Variants in SDK2 observed in about 807,000 individuals in gnomAD.
SDK2 encodes protein sidekick-2.
Under a neutral mutation model 253.9 loss-of-function variants are expected in SDK2, and 105 were observed. The observed-to-expected ratio is 0.41, with a 90% CI of 0.35 to 0.49. The LOEUF (loss-of-function observed/expected upper bound fraction) is 0.49, where lower values mean the gene tolerates loss of function less well. SDK2 is among the 20% of genes least tolerant of loss of function. The pLI is 0.06. For synonymous variants in SDK2, 1,249 were observed against 1,234.9 expected (o/e 1.01, Z -0.24); for missense variants, 2,608 against 3,003.0 (o/e 0.87, Z 3.07).
intron 1 of SDK2, among the ~76,000 whole-genome samples, chr17:73,524,040 G>C (rs994289443): frequency 6.6e-6 from 1 of 152,178 alleles, no homozygotes; most frequent in African/African-American, 2.4e-5. Context: ...CAGGCTCTGT[G>C]ATCATCCCTT....
intron 28 of SDK2, among the ~76,000 whole-genome samples, chr17:73,390,936 C>T (rs2145497321): frequency 6.6e-6 from 1 of 152,282 alleles, no homozygotes; most frequent in East Asian, 1.9e-4. Flanking sequence ...AGTCCAAGCC[C>T]CCATTTTAAA....
rs1037075924 is a variant in SDK2 at position 73,340,714 on chromosome 17, C to T, written c.6166-1774G>A. On this transcript the variant is annotated intron_variant, in intron 44 of 44. Coordinates refer to ENST00000392650, the MANE Select transcript of SDK2 (RefSeq NM_001144952.2). ...AATCTAAACCAAAGTTCAGAATTTTCATGTAATGAAAACCTTAAAGTTTTT... is the reference window on the plus strand; with the variant it reads ...AATCTAAACCAAAGTTCAGAATTTTTATGTAATGAAAACCTTAAAGTTTTT... 1.3e-4 allele frequency among the ~76,000 whole-genome samples: 16 copies of T among 123,528 alleles called. No individual in the cohort carries two copies. In the South Asian group the frequency reaches 4.6e-3, roughly 35 times the overall value. 81.0% of individuals were successfully genotyped at this position (123,528 alleles called of 152,430 possible).
In SDK2 at chr17:73,376,502, G is replaced by A. The variant is rs143515799; in HGVS notation, c.4980+2675C>T. On this transcript the variant is annotated intron_variant, in intron 36 of 44. Transcript: ENST00000392650. Reference sequence around the variant, plus strand: ...TGAAGTTAATGCGTCACTGATGTTCGTGCGTGTTGATGTCAGTACCTTGGT... The same window carrying A: ...TGAAGTTAATGCGTCACTGATGTTCATGCGTGTTGATGTCAGTACCTTGGT... Among the ~76,000 whole-genome samples, 8 of 152,342 alleles carry A rather than the reference G, an allele frequency of 5.3e-5. No individual in the cohort carries two copies. In the East Asian group the frequency reaches 1.4e-3, roughly 26 times the overall value.
At chr17:73,372,403 A>G (rs1032881456) in intron 36 of SDK2, among the ~76,000 whole-genome samples, 1 of 152,184 alleles carries the variant, frequency 6.6e-6, no homozygotes, top group African/African-American at 2.4e-5. Flanking sequence ...AACACCTAGA[A>G]TCATGGCTGG....
At chr17:73,576,472 T>C (rs2045460290) in intron 1 of SDK2, among the ~76,000 whole-genome samples, 2 of 152,000 alleles carry the variant, frequency 1.3e-5, no homozygotes, top group South Asian at 2.1e-4. Flanking sequence ...CAAAGAGGCA[T>C]GGATAGAGAG....
chr17:73,469,092 G>A (rs913997806), intron 3 of SDK2, among the ~76,000 whole-genome samples: 6 of 152,196 alleles, frequency 3.9e-5, no homozygotes, highest in African/African-American at 1.4e-4. Context: ...CAAAGTGCCA[G>A]GATTACAGGC....
At chr17:73,473,509 C>T (rs947345574) in intron 2 of SDK2, among the ~76,000 whole-genome samples, 1 of 152,166 alleles carries the variant, frequency 6.6e-6, no homozygotes, top group Non-Finnish European at 1.5e-5. Flanking sequence ...TCCTTGACAC[C>T]TGCCTCTAGG....
rs1478018767 is a variant in SDK2 at position 73,447,951 on chromosome 17, T to C, written c.480-203A>G. On this transcript the variant is annotated intron_variant, in intron 4 of 44. Coordinates refer to ENST00000392650, the MANE Select transcript of SDK2 (RefSeq NM_001144952.2). This position sits in a 1 kb window ranked among gnomAD's most constrained non-coding sequence, Gnocchi z 4.0. Reference sequence around the variant, plus strand: ...TTGCAGAGAATGCTAAACACGGTGCTGATGCTGTCAACCAGACCCAGAGAC... The same window carrying C: ...TTGCAGAGAATGCTAAACACGGTGCCGATGCTGTCAACCAGACCCAGAGAC... Among the ~76,000 whole-genome samples the C allele has an allele frequency of 6.6e-6, 1 of 152,066 alleles. No homozygotes were observed. Among genetic ancestry groups the C allele is most frequent in the Non-Finnish European group, 1.5e-5 (1 of 68,006 alleles).
chr17:73,600,445 G>T (rs547283473), intron 1 of SDK2, among the ~76,000 whole-genome samples: 3 of 152,190 alleles, frequency 2.0e-5, no homozygotes, highest in East Asian at 1.9e-4. Context: ...GGGGAGGCGG[G>T]GTGTGGAGAG....
chr17:73,352,365 C>T lies in SDK2; in HGVS notation c.5758+108G>A, dbSNP rs2145399927. ...AGGGGACAATGTGTTTTTGTTCCCGCCCCATGCTCCTGGTGCCCTGGTGCC... is the reference window on the plus strand; with the variant it reads ...AGGGGACAATGTGTTTTTGTTCCCGTCCCATGCTCCTGGTGCCCTGGTGCC... On this transcript the variant is annotated intron_variant, in intron 41 of 44. Coordinates refer to ENST00000392650, the MANE Select transcript of SDK2 (RefSeq NM_001144952.2). The surrounding 1 kb of genome is among the most constrained non-coding windows in gnomAD (Gnocchi z 4.1). 1 of 1,362,626 alleles carries T rather than the reference C, an allele frequency of 7.3e-7. No individual in the cohort carries two copies. Among genetic ancestry groups the T allele is most frequent in the Non-Finnish European group, 9.9e-7 (1 of 1,007,568 alleles). The allele number at this position is 1,362,626 out of a possible 1,614,324, so 84.4% of individuals were successfully genotyped here.
rs767123645 is a variant in SDK2, at chr17:73,414,051, CT to C, written c.2484+592del. ...TTTTTCTTCTTTTTCTCTCTCTCTT[CT>C]TTTTTTTTTTTTGGGACAGAGTTTC... On this transcript the variant is annotated intron_variant, in intron 18 of 44. Transcript: ENST00000392650. Among the ~76,000 whole-genome samples, 608 of 143,344 alleles carry C rather than the reference CT, an allele frequency of 4.2e-3. 2 individuals are homozygous for C. Among genetic ancestry groups the C allele is most frequent in the Admixed American group, 6.9e-3 (98 of 14,220 alleles). The allele number at this position is 143,344 out of a possible 152,430, so 94.0% of individuals were successfully genotyped here. A position where few individuals can be genotyped will look rare whatever the true frequency, so the allele number is the denominator to read the frequency against.
At chr17:73,473,397 A>C (rs527258965) in intron 2 of SDK2, among the ~76,000 whole-genome samples, 1 of 152,262 alleles carries the variant, frequency 6.6e-6, no homozygotes, top group Non-Finnish European at 1.5e-5. Context: ...ATCCCTAGGC[A>C]ATGGTCCCAC....
At chr17:73,480,318 C>T (rs1335305455) in intron 2 of SDK2, among the ~76,000 whole-genome samples, 1 of 152,186 alleles carries the variant, frequency 6.6e-6, no homozygotes, top group African/African-American at 2.4e-5. Context: ...CGGCTGTCTA[C>T]CTCCTCCTGC....
rs967984692 is a variant in SDK2, at chr17:73,361,959, C to G, written c.5306-114G>C. On this transcript the variant is annotated intron_variant, in intron 38 of 44. Transcript: ENST00000392650. This position sits in a 1 kb window ranked among gnomAD's most constrained non-coding sequence, Gnocchi z 4.1. Reference sequence around the variant, plus strand: ...GCCCCGGGACCCTGGGTAGGGGCCTCACTCCTTGAGGTCAGGCTGAAATGC... The same window carrying G: ...GCCCCGGGACCCTGGGTAGGGGCCTGACTCCTTGAGGTCAGGCTGAAATGC... The G allele has an allele frequency of 1.9e-6, 2 of 1,029,920 alleles. No individual in the cohort carries two copies. Among genetic ancestry groups the G allele is most frequent in the Non-Finnish European group, 2.8e-6 (2 of 725,416 alleles). 63.8% of individuals were successfully genotyped at this position (1,029,920 alleles called of 1,614,324 possible). A position where few individuals can be genotyped will look rare whatever the true frequency, so the allele number is the denominator to read the frequency against.
intron 1 of SDK2, among the ~76,000 whole-genome samples, chr17:73,601,711 A>C (rs902410686): frequency 1.3e-5 from 2 of 151,046 alleles, no homozygotes; most frequent in Non-Finnish European, 2.9e-5. Context: ...TGCCGACGAC[A>C]CCTTGATTTT....
At chr17:73,433,629 A>G (rs2063344228) in intron 10 of SDK2, 103 bp downstream of exon 10, 2 of 806,782 alleles carry the variant, frequency 2.5e-6, no homozygotes, top group Non-Finnish European at 2.1e-6. Context: ...TGACCTTCAC[A>G]AGTGTACGTG....
Position 73,395,038 on chromosome 17 carries a change from G to A in SDK2, c.3592+117C>T, listed in dbSNP as rs934984880. On this transcript the variant is annotated intron_variant, in intron 25 of 44. Coordinates refer to ENST00000392650, the MANE Select transcript of SDK2 (RefSeq NM_001144952.2). The surrounding 1 kb of genome is among the most constrained non-coding windows in gnomAD (Gnocchi z 4.3). ...GACATTGAGCATAAGCAGAGGAAAT[G>A]AGCTCAGGCTGTTTTTGAACAACAC... 1.5e-5 allele frequency: 11 copies of A among 733,918 alleles called. No homozygotes were observed. In the African/African-American group the frequency reaches 1.9e-4, roughly 13 times the overall value. 45.5% of individuals were successfully genotyped at this position (733,918 alleles called of 1,614,324 possible).
Position 73,338,685 on chromosome 17 carries a change from G to C in SDK2, c.6421C>G (p.Pro2141Ala). ...ASRTPTPQNP[P>A]NPPSQQSTLY... ...GTGCTCTGCTGACTTGGGGGGTTAG[G>C]GGGGTTCTGGGGCGTTGGAGTCCGA... The change falls in exon 45 of 45, where the codon CCT (proline) becomes GCT (alanine). Residue 2141 changes from proline to alanine, a missense_variant. Coordinates refer to ENST00000392650, the MANE Select transcript of SDK2 (RefSeq NM_001144952.2). This position sits in a 1 kb window ranked among gnomAD's most constrained non-coding sequence, Gnocchi z 5.0. 16 of 1,600,368 alleles carry C rather than the reference G, an allele frequency of 1.0e-5. No homozygotes were observed. Among genetic ancestry groups the C allele is most frequent in the Non-Finnish European group, 1.4e-5 (16 of 1,172,972 alleles).
At chr17:73,438,933 G>A (rs1169500251) in intron 6 of SDK2, among the ~76,000 whole-genome samples, 2 of 152,158 alleles carry the variant, frequency 1.3e-5, no homozygotes, top group Admixed American at 1.3e-4. Flanking sequence ...GTGACGCTGG[G>A]CAGTTTCTTC....
Sources: gnomAD v4.1 joint callset for allele counts (sites outside exome capture counted in the v4.1 genomes callset) on GRCh38, gnomAD v4.1.1 for gene constraint, Gnocchi (gnomAD v3.1) non-coding constraint, MANE v1.5 for transcripts, NCBI Gene and HGNC (gene_info 2026-07-23, HGNC 2026-07-21) for gene names.